Variants in ARHGAP24 observed in about 807,000 individuals in gnomAD.
ARHGAP24 encodes Rho GTPase activating protein 24.
In ARHGAP24, 50 loss-of-function variants were observed where a neutral mutation model predicts 76.4. The ratio of observed to expected loss-of-function variants is 0.65; its 90% CI spans 0.52 to 0.83. The LOEUF (loss-of-function observed/expected upper bound fraction) is 0.83, where lower values mean the gene tolerates loss of function less well. Among genes scored for constraint, ARHGAP24 ranks in the 40% least tolerant of loss-of-function variants. The pLI, the probability that ARHGAP24 is intolerant of heterozygous loss-of-function variation, is 0.00. For synonymous variants in ARHGAP24, 345 were observed against 323.3 expected, an observed-to-expected ratio of 1.07 and a Z score of -0.72; for missense variants, 930 against 914.2, an observed-to-expected ratio of 1.02 and a Z score of -0.22.
intron 3 of ARHGAP24, among the ~76,000 whole-genome samples, chr4:85,774,690 T>C (rs1341277666): frequency 6.6e-6 from 1 of 152,218 alleles, no homozygotes; most frequent in South Asian, 2.1e-4. Context: ...AGGTATCTTA[T>C]GTAGATACAA....
At chr4:85,537,919 G>T (rs1725533838) in intron 1 of ARHGAP24, among the ~76,000 whole-genome samples, 1 of 152,028 alleles carries the variant, frequency 6.6e-6, no homozygotes, top group African/African-American at 2.4e-5. Context: ...TTCTGACCTT[G>T]ATGGAAAGAT....
chr4:85,635,162 C>G (rs10013681), intron 2 of ARHGAP24, among the ~76,000 whole-genome samples: 141,494 of 151,940 alleles, frequency 0.93, 65,923 homozygotes, highest in East Asian at 0.98. Context: ...TTCTTCTTCT[C>G]TTTCTGCATT....
intron 3 of ARHGAP24, among the ~76,000 whole-genome samples, chr4:85,882,042 T>A (rs1336852426): frequency 1.3e-5 from 2 of 152,150 alleles, no homozygotes; most frequent in East Asian, 3.9e-4. Context: ...AATTTGGAAT[T>A]TGATGGGGGA....
chr4:85,788,008 T>C (rs1727931999), intron 3 of ARHGAP24, among the ~76,000 whole-genome samples: 1 of 152,136 alleles, frequency 6.6e-6, no homozygotes, highest in Non-Finnish European at 1.5e-5. Flanking sequence ...GTTAACCCCA[T>C]GCCCTAAATG....
intron 3 of ARHGAP24, among the ~76,000 whole-genome samples, chr4:85,894,869 G>A (rs1378468567): frequency 6.7e-6 from 1 of 149,888 alleles, no homozygotes; most frequent in African/African-American, 2.4e-5. Flanking sequence ...GCTGAGGCAG[G>A]AGAATCTCTT....
At chr4:85,826,615 A>T (rs1251061148) in intron 3 of ARHGAP24, among the ~76,000 whole-genome samples, 1 of 152,202 alleles carries the variant, frequency 6.6e-6, no homozygotes, top group Non-Finnish European at 1.5e-5. Flanking sequence ...CTGGGGAAAT[A>T]AGAGGGAGGA....
At chr4:85,484,789 G>T (rs886914869) in intron 1 of ARHGAP24, among the ~76,000 whole-genome samples, 1 of 151,856 alleles carries the variant, frequency 6.6e-6, no homozygotes, top group Non-Finnish European at 1.5e-5. Flanking sequence ...GCTGATTTTT[G>T]TCTTTTTAGT....
chr4:85,933,072 C>CT (rs1304752397), intron 4 of ARHGAP24, among the ~76,000 whole-genome samples: 1 of 152,112 alleles, frequency 6.6e-6, no homozygotes, highest in African/African-American at 2.4e-5. Flanking sequence ...AGAGTGTGTT[C>CT]TTTTGTGCTT....
intron 1 of ARHGAP24, among the ~76,000 whole-genome samples, chr4:85,503,903 T>G (rs1723927376): frequency 1.3e-5 from 2 of 152,246 alleles, no homozygotes; most frequent in Admixed American, 1.3e-4. Flanking sequence ...TCCCAGAGAT[T>G]CTGGTATGTT....
chr4:85,851,578 G>T (rs1232572921), intron 3 of ARHGAP24, among the ~76,000 whole-genome samples: 3 of 152,172 alleles, frequency 2.0e-5, no homozygotes, highest in Admixed American at 6.5e-5. Context: ...TTTTTGCAGT[G>T]GCTGGTACCA....
chr4:86,000,644 G>A lies in ARHGAP24; in HGVS notation c.2169G>A (p.Glu723=), dbSNP rs373996740. 2.1e-4 allele frequency: 345 copies of A among 1,613,938 alleles called. No homozygotes were observed. The highest frequency in any genetic ancestry group is 2.7e-4 in the Non-Finnish European group (316 of 1,179,986). Residue 723 remains glutamate, a synonymous_variant, in exon 10 of 10, where the codon GAG becomes GAA. Coordinates refer to ENST00000395184, the MANE Select transcript of ARHGAP24 (RefSeq NM_001025616.3). ...ATGACATGCTACAGAAAGAAATGGA[G>A]CAGTTTTTTTCCACGTTTGGAGAAC... ...KRNDMLQKEM[E]QFFSTFGELT...
At chr4:85,866,047 G>A (rs1732179807) in intron 3 of ARHGAP24, among the ~76,000 whole-genome samples, 1 of 152,104 alleles carries the variant, frequency 6.6e-6, no homozygotes, top group Non-Finnish European at 1.5e-5. Context: ...CTCATTGAAT[G>A]AGATTGTCTG....
chr4:85,754,487 A>G (rs1428563713), intron 3 of ARHGAP24, among the ~76,000 whole-genome samples: 2 of 152,188 alleles, frequency 1.3e-5, no homozygotes, highest in African/African-American at 2.4e-5. Context: ...TTATGAGAGT[A>G]AGTTTAGTGA....
chr4:85,851,441 C>T (rs1252710579), intron 3 of ARHGAP24, among the ~76,000 whole-genome samples: 2 of 152,142 alleles, frequency 1.3e-5, no homozygotes, highest in Admixed American at 1.3e-4. Context: ...GCATTTAGCC[C>T]ATTTACATTT....
At chr4:85,687,117 T>C (rs1723451313) in intron 2 of ARHGAP24, among the ~76,000 whole-genome samples, 1 of 150,632 alleles carries the variant, frequency 6.6e-6, no homozygotes, top group Admixed American at 6.6e-5. Flanking sequence ...ATGATGATGA[T>C]GGATGGATAG....
At chr4:85,880,800 A>T (rs1733210255) in intron 3 of ARHGAP24, among the ~76,000 whole-genome samples, 1 of 152,218 alleles carries the variant, frequency 6.6e-6, no homozygotes, top group African/African-American at 2.4e-5. Flanking sequence ...AAGTGCTGCG[A>T]TTACAGGAAT....
chr4:85,977,781 G>C, intron 8 of ARHGAP24, 90 bp downstream of exon 8: 10 of 1,488,540 alleles, frequency 6.7e-6, no homozygotes, highest in Non-Finnish European at 9.3e-6. Context: ...AGCAAACCAA[G>C]GTAATAAGTG....
At chr4:85,535,804 G>A (rs1194083307) in intron 1 of ARHGAP24, among the ~76,000 whole-genome samples, 3 of 152,032 alleles carry the variant, frequency 2.0e-5, no homozygotes, top group Non-Finnish European at 4.4e-5. Context: ...CCTAAGTTAT[G>A]GCTTTATTTT....
intron 4 of ARHGAP24, among the ~76,000 whole-genome samples, chr4:85,933,703 A>G (rs187515556): frequency 9.9e-4 from 151 of 152,290 alleles, no homozygotes; most frequent in Non-Finnish European, 1.8e-3. Context: ...TAATATGACT[A>G]TTAGCAGTGT....
Sources: gnomAD v4.1 joint callset for allele counts (sites outside exome capture counted in the v4.1 genomes callset) on GRCh38, gnomAD v4.1.1 for gene constraint, MANE v1.5 for transcripts, NCBI Gene and HGNC (gene_info 2026-07-23, HGNC 2026-07-21) for gene names.